The following EBF1 variants were observed in gnomAD, a reference collection of about 807,000 sequenced individuals.
EBF1 encodes EBF transcription factor 1.
A neutral mutation model predicts 68.4 loss-of-function variants in EBF1; 10 were observed. The observed-to-expected ratio is 0.15, with a 90% CI of 0.09 to 0.25. The LOEUF (loss-of-function observed/expected upper bound fraction) is 0.25. Ranked by LOEUF, EBF1 falls within the 10% of genes least tolerant of loss-of-function variation. The pLI, the probability that EBF1 is intolerant of heterozygous loss-of-function variation, is 1.00. For missense variants in EBF1, 509 were observed against 794.4 expected (o/e 0.64, Z 4.32); for synonymous variants, 298 against 299.8 (o/e 0.99, Z 0.06).
intron 6 of EBF1, among the ~76,000 whole-genome samples, chr5:159,060,319 A>G (rs1031339387): frequency 6.6e-6 from 1 of 152,220 alleles, no homozygotes; most frequent in Admixed American, 6.5e-5. Flanking sequence ...TAAAAAAAGC[A>G]TGTCATAATT....
At chr5:159,089,815 G>GAAAGAAAGAAA (rs1561992371) in intron 4 of EBF1, among the ~76,000 whole-genome samples, 1 of 137,296 alleles carries the variant, frequency 7.3e-6, no homozygotes, top group African/African-American at 2.7e-5. Flanking sequence ...AAAGAAAGAA[G>GAAAGAAAGAAA]GAAAGAAAGA....
At chr5:159,056,925 C>A (rs1423025873) in intron 6 of EBF1, among the ~76,000 whole-genome samples, 1 of 151,996 alleles carries the variant, frequency 6.6e-6, no homozygotes, top group Non-Finnish European at 1.5e-5. Context: ...ATACCTCTGG[C>A]AAACAAAAAC....
At chr5:158,972,316 T>A (rs1034243414) in intron 6 of EBF1, among the ~76,000 whole-genome samples, 9 of 152,214 alleles carry the variant, frequency 5.9e-5, no homozygotes, top group African/African-American at 2.2e-4. Context: ...TACTGTCTCG[T>A]ATATTTAGGT....
chr5:158,855,769 A>G (rs1793874251), intron 6 of EBF1, among the ~76,000 whole-genome samples: 1 of 152,194 alleles, frequency 6.6e-6, no homozygotes, highest in South Asian at 2.1e-4. Context: ...AACAGTGACT[A>G]TGCATCAGGA....
At chr5:158,792,870 C>A (rs1484679120) in intron 9 of EBF1, among the ~76,000 whole-genome samples, 1 of 152,130 alleles carries the variant, frequency 6.6e-6, no homozygotes, top group South Asian at 2.1e-4. Context: ...GCCCTCTTAC[C>A]TCTCTGAGTC....
intron 10 of EBF1, among the ~76,000 whole-genome samples, chr5:158,776,240 C>T (rs1775219937): frequency 6.6e-6 from 1 of 152,020 alleles, no homozygotes; most frequent in South Asian, 2.1e-4. Context: ...AGGCACCAAA[C>T]CTGCATTTTG....
In EBF1 at chr5:158,887,018, C is replaced by G. The variant is rs544411421; in HGVS notation, c.555-46908G>C. On this transcript the variant is annotated intron_variant, in intron 6 of 15. Coordinates refer to ENST00000313708, the MANE Select transcript of EBF1 (RefSeq NM_024007.5). ...ACTCCATCTCAAAAAAAAAGAGAGA[C>G]TTTATATTAACAGAAGAGGACACCA... Among the ~76,000 whole-genome samples the G allele has an allele frequency of 2.0e-5, 3 of 152,202 alleles. No individual in the cohort carries two copies. The South Asian group carries it at 6.2e-4, about 32-fold the overall frequency.
intron 11 of EBF1, among the ~76,000 whole-genome samples, chr5:158,720,849 T>A (rs1761792810): frequency 6.6e-6 from 1 of 152,170 alleles, no homozygotes; most frequent in Non-Finnish European, 1.5e-5. Flanking sequence ...AGGCATAAAA[T>A]GCCAAATGTA....
chr5:158,720,242 T>G (rs1221398507), intron 11 of EBF1, among the ~76,000 whole-genome samples: 3 of 152,168 alleles, frequency 2.0e-5, no homozygotes, highest in African/African-American at 7.2e-5. Flanking sequence ...CTTTAAGTCC[T>G]GGATCTTTCC....
intron 10 of EBF1, among the ~76,000 whole-genome samples, chr5:158,765,549 A>G (rs1772474272): frequency 6.6e-6 from 1 of 152,162 alleles, no homozygotes; most frequent in South Asian, 2.1e-4. Context: ...ATGCCTAGCA[A>G]GTCAGGCCTT....
chr5:158,920,078 C>CAT (rs150689079), intron 6 of EBF1, among the ~76,000 whole-genome samples: 3,052 of 152,052 alleles, frequency 0.02, 107 homozygotes, highest in African/African-American at 0.069. Flanking sequence ...TAACTTGCAA[C>CAT]ATATATATAT....
At chr5:158,744,418 T>C (rs1767110351) in intron 10 of EBF1, among the ~76,000 whole-genome samples, 1 of 152,062 alleles carries the variant, frequency 6.6e-6, no homozygotes, top group Non-Finnish European at 1.5e-5. Context: ...ATCAACACCA[T>C]CTAGTGCAGT....
At chr5:158,916,645 G>T (rs533496328) in intron 6 of EBF1, among the ~76,000 whole-genome samples, 16 of 152,132 alleles carry the variant, frequency 1.1e-4, no homozygotes, top group African/African-American at 3.9e-4. Context: ...TTGAACCCAG[G>T]TCTCTCTATC....
rs1285714789 is a variant in EBF1, at chr5:159,096,995, C to T, written c.270G>A (p.Val90=). The change falls in exon 2 of 16, where the codon GTG becomes GTA. Residue 90 remains valine, a synonymous_variant. Coordinates refer to ENST00000313708, the MANE Select transcript of EBF1 (RefSeq NM_024007.5). Reference sequence around the variant, plus strand: ...TTACTTTTTCCTTCTCCACGAACCCCACAAACGCTGTCCTCTCGATCTCCA... The same window carrying T: ...TTACTTTTTCCTTCTCCACGAACCCTACAAACGCTGTCCTCTCGATCTCCA... The part of the protein sequence containing the change: ...QPVEIERTAF[V]GFVEKEKEAN... 1 of 1,613,508 alleles carries T rather than the reference C, an allele frequency of 6.2e-7. No individual in the cohort carries two copies. The highest frequency in any genetic ancestry group is 8.5e-7 in the Non-Finnish European group (1 of 1,179,824).
chr5:158,952,251 A>G (rs1156898306), intron 6 of EBF1, among the ~76,000 whole-genome samples: 4 of 152,206 alleles, frequency 2.6e-5, no homozygotes, highest in African/African-American at 9.6e-5. Flanking sequence ...GGGAAAGGCG[A>G]TAATTAACCC....
chr5:159,066,070 T>C (rs1023343407), intron 6 of EBF1, among the ~76,000 whole-genome samples: 25 of 152,194 alleles, frequency 1.6e-4, no homozygotes, highest in African/African-American at 6.0e-4. Context: ...TAGATGTCAC[T>C]AGGCTTTTGT....
chr5:158,868,806 G>C (rs1039554216), intron 6 of EBF1, among the ~76,000 whole-genome samples: 5 of 152,104 alleles, frequency 3.3e-5, no homozygotes, highest in Admixed American at 6.6e-5. Context: ...TGCTTTGCTG[G>C]GGACAAAAGG....
At chr5:158,901,469 T>G (rs1484718159) in intron 6 of EBF1, among the ~76,000 whole-genome samples, 3 of 152,274 alleles carry the variant, frequency 2.0e-5, no homozygotes, top group East Asian at 1.9e-4. Flanking sequence ...TGAATATATC[T>G]GTGCCTTCTG....
At chr5:158,820,634 TTG>T (rs35303244) in intron 8 of EBF1, among the ~76,000 whole-genome samples, 3,572 of 152,242 alleles carry the variant, frequency 0.023, 137 homozygotes, top group African/African-American at 0.082. Flanking sequence ...GCAAAGCCCC[TTG>T]CTGAAGGAAA....
Sources: allele counts gnomAD v4.1 joint callset (sites outside exome capture counted in the v4.1 genomes callset), GRCh38; gene constraint gnomAD v4.1.1; transcripts MANE v1.5; gene names NCBI Gene and HGNC (gene_info 2026-07-23, HGNC 2026-07-21).